The following MAP3K2 variants were observed in gnomAD, a reference collection of about 807,000 sequenced individuals.
The protein encoded by MAP3K2 is mitogen-activated protein kinase kinase kinase 2, also known as MAP/ERK kinase kinase 2.
In MAP3K2, 24 loss-of-function variants were observed where a neutral mutation model predicts 80.3. That is an observed-to-expected ratio of 0.30 (90% CI 0.22 to 0.42). The LOEUF (loss-of-function observed/expected upper bound fraction) is 0.42. Among genes scored for constraint, MAP3K2 ranks in the 10% least tolerant of loss-of-function variants. MAP3K2 has a pLI of 1.00. For synonymous variants in MAP3K2, 244 were observed against 253.7 expected (o/e 0.96, Z 0.36); for missense variants, 608 against 750.1 (o/e 0.81, Z 2.21).
intron 15 of MAP3K2, among the ~76,000 whole-genome samples, chr2:127,309,753 G>A (rs777591750): frequency 1.7e-4 from 26 of 152,104 alleles, no homozygotes; most frequent in Non-Finnish European, 3.7e-4. Flanking sequence ...TCTCATAACG[G>A]GGGTTGTAAG....
intron 1 of MAP3K2, among the ~76,000 whole-genome samples, chr2:127,375,974 C>A (rs1173695367): frequency 1.3e-5 from 2 of 152,050 alleles, no homozygotes; most frequent in African/African-American, 2.4e-5. Flanking sequence ...GGATGCAAAG[C>A]TGGAATATGA....
At chr2:127,348,475 A>C (rs1686636790) in intron 1 of MAP3K2, among the ~76,000 whole-genome samples, 1 of 152,206 alleles carries the variant, frequency 6.6e-6, no homozygotes, top group Non-Finnish European at 1.5e-5. Flanking sequence ...AATTTATGCT[A>C]AGTGGAATAA....
At chr2:127,374,129 G>C (rs1042423004) in intron 1 of MAP3K2, among the ~76,000 whole-genome samples, 24 of 152,150 alleles carry the variant, frequency 1.6e-4, no homozygotes, top group Non-Finnish European at 1.5e-4. Flanking sequence ...CTAGCACTCA[G>C]AGAGCTGAGA....
At chr2:127,330,740 T>C (rs1686240812) in intron 5 of MAP3K2, among the ~76,000 whole-genome samples, 1 of 152,230 alleles carries the variant, frequency 6.6e-6, no homozygotes, top group Non-Finnish European at 1.5e-5. Context: ...ATTACATTCT[T>C]CTAGAAAATA....
intron 14 of MAP3K2, among the ~76,000 whole-genome samples, chr2:127,315,228 A>G (rs1225001190): frequency 1.3e-5 from 2 of 152,230 alleles, no homozygotes; most frequent in Non-Finnish European, 2.9e-5. Flanking sequence ...CATCTCTGAG[A>G]AAGCTGAATC....
chr2:127,338,158 A>C (rs972565660), intron 3 of MAP3K2, among the ~76,000 whole-genome samples: 1 of 152,240 alleles, frequency 6.6e-6, no homozygotes, highest in African/African-American at 2.4e-5. Context: ...AATCCAGAGT[A>C]GACTATTTGA....
chr2:127,331,957 T>G (rs561452812), intron 5 of MAP3K2, among the ~76,000 whole-genome samples: 33 of 152,332 alleles, frequency 2.2e-4, no homozygotes, highest in Non-Finnish European at 4.3e-4. Flanking sequence ...TAAAGAAGGA[T>G]TTATGTGAAT....
upstream of MAP3K2, chr2:127,388,212 A>G (rs1687417193): frequency 7.1e-6 from 7 of 982,712 alleles, no homozygotes; most frequent in Middle Eastern, 5.2e-4. Flanking sequence ...GCCCCGGGGC[A>G]GCCTGTGCTG....
At chr2:127,324,661 T>C (rs1381350318) in intron 9 of MAP3K2, among the ~76,000 whole-genome samples, 1 of 152,234 alleles carries the variant, frequency 6.6e-6, no homozygotes, top group Non-Finnish European at 1.5e-5. Flanking sequence ...GCTTTCTCGT[T>C]ACTACTTCCC....
chr2:127,343,792 C>T lies in MAP3K2; in HGVS notation c.-65-598G>A, dbSNP rs1237145860. ...CAGCACTTTGGGAGGCCTAGGCAGG[C>T]GGATTGCTTGAGCCCAGGAGTTCGA... On this transcript the variant is annotated intron_variant, in intron 1 of 16. Coordinates refer to ENST00000682094, the MANE Select transcript of MAP3K2 (RefSeq NM_001371910.2). Among the ~76,000 whole-genome samples the T allele has an allele frequency of 8.5e-5, 13 of 152,152 alleles. No individual in the cohort carries two copies. The East Asian group carries it at 1.9e-3, about 23-fold the overall frequency.
At chr2:127,373,811 C>T (rs1389366346) in intron 1 of MAP3K2, among the ~76,000 whole-genome samples, 1 of 152,172 alleles carries the variant, frequency 6.6e-6, no homozygotes, top group Non-Finnish European at 1.5e-5. Context: ...TCAGACAATG[C>T]AATCAGTTGC....
Position 127,300,971 on chromosome 2 carries a change from G to A in MAP3K2, c.*6608C>T, listed in dbSNP as rs138785667. The A allele has an allele frequency of 2.6e-5, 4 of 152,232 alleles. No homozygotes were observed. Among genetic ancestry groups the A allele is most frequent in the Admixed American group, 2.6e-4 (4 of 15,286 alleles). 9.4% of individuals were successfully genotyped at this position (152,232 alleles called of 1,614,324 possible). On this transcript the variant is annotated 3_prime_UTR_variant, in exon 17 of 17. Transcript: ENST00000682094. ...GCTAAAATCATCACTAGTTACATAT[G>A]CTTTTAAAAAATAAATTCTAAAAAA...
intron 15 of MAP3K2, among the ~76,000 whole-genome samples, chr2:127,311,550 A>G (rs1685808493): frequency 6.6e-6 from 1 of 152,230 alleles, no homozygotes; most frequent in Non-Finnish European, 1.5e-5. Context: ...CTTTTCAGAC[A>G]TACACAAAGG....
At chr2:127,359,241 T>A (rs1207587389) in intron 1 of MAP3K2, among the ~76,000 whole-genome samples, 3 of 152,090 alleles carry the variant, frequency 2.0e-5, no homozygotes, top group Non-Finnish European at 4.4e-5. Context: ...TCATCACCCA[T>A]AACAAAGGTA....
intron 1 of MAP3K2, among the ~76,000 whole-genome samples, chr2:127,369,827 C>A (rs1687032460): frequency 6.6e-6 from 1 of 152,078 alleles, no homozygotes; most frequent in Non-Finnish European, 1.5e-5. Context: ...AGAGTGTAGT[C>A]TGATATGGTC....
At chr2:127,362,599 CCTGA>C (rs1234246871) in intron 1 of MAP3K2, among the ~76,000 whole-genome samples, 4 of 151,900 alleles carry the variant, frequency 2.6e-5, no homozygotes, top group African/African-American at 9.7e-5. Context: ...CAATCTGTAC[CCTGA>C]CTGTTGTCCC....
chr2:127,324,371 G>A, intron 9 of MAP3K2, 130 bp from the exon 10 acceptor site: 1 of 526,420 alleles, frequency 1.9e-6, no homozygotes, highest in Non-Finnish European at 3.3e-6. Context: ...CACTTTGAAA[G>A]GTTAGCATAC....
At chr2:127,370,276 C>T (rs1019598572) in intron 1 of MAP3K2, among the ~76,000 whole-genome samples, 1 of 152,164 alleles carries the variant, frequency 6.6e-6, no homozygotes, top group African/African-American at 2.4e-5. Flanking sequence ...TGTCTGTGGG[C>T]GGCCCAGTCC....
intron 1 of MAP3K2, among the ~76,000 whole-genome samples, chr2:127,359,540 C>T (rs1252341148): frequency 4.6e-5 from 7 of 152,248 alleles, no homozygotes; most frequent in African/African-American, 1.7e-4. Context: ...CAGAAATGTT[C>T]GACAATTTTT....
Sources: allele counts gnomAD v4.1 joint callset (sites outside exome capture counted in the v4.1 genomes callset), GRCh38; gene constraint gnomAD v4.1.1; transcripts MANE v1.5; gene names NCBI Gene and HGNC (gene_info 2026-07-23, HGNC 2026-07-21).